NRXN1: variants seen among roughly 807,000 people sequenced by gnomAD.
The protein encoded by NRXN1 is neurexin-1.
A neutral mutation model predicts 150.9 loss-of-function variants in NRXN1; 39 were observed. The observed-to-expected ratio is 0.26, with a 90% CI of 0.20 to 0.34. The LOEUF is 0.34. NRXN1 is among the 10% of genes least tolerant of loss of function. The pLI is 1.00. For synonymous variants in NRXN1, 924 were observed against 757.0 expected (o/e 1.22, Z -3.62); for missense variants, 1,815 against 1,949.9 (o/e 0.93, Z 1.30).
intron 17 of NRXN1, among the ~76,000 whole-genome samples, chr2:50,413,211 C>T (rs1249734045): frequency 6.6e-6 from 1 of 152,072 alleles, no homozygotes; most frequent in Non-Finnish European, 1.5e-5. Context: ...AACAAGAATA[C>T]ATAAGGAGAT....
intron 5 of NRXN1, among the ~76,000 whole-genome samples, chr2:50,651,475 A>G (rs1036609497): frequency 7.6e-6 from 1 of 132,162 alleles, no homozygotes; most frequent in Non-Finnish European, 1.6e-5. Flanking sequence ...ATAACGTAAC[A>G]TGACATGACA....
chr2:50,198,547 T>C (rs2061923354), intron 18 of NRXN1, among the ~76,000 whole-genome samples: 1 of 152,174 alleles, frequency 6.6e-6, no homozygotes, highest in Non-Finnish European at 1.5e-5. Context: ...AAAGTAGCTA[T>C]GGTTTCTAAA....
intron 5 of NRXN1, among the ~76,000 whole-genome samples, chr2:50,810,701 G>C (rs1162180425): frequency 6.6e-6 from 1 of 152,142 alleles, no homozygotes; most frequent in Non-Finnish European, 1.5e-5. Context: ...TTTGCATCTT[G>C]TCCAGGCAGG....
intron 18 of NRXN1, 94 bp from the exon 19 acceptor site, chr2:50,091,588 TGGAC>T: frequency 7.6e-7 from 1 of 1,315,328 alleles, no homozygotes; most frequent in Non-Finnish European, 1.1e-6. Context: ...AAATGTGCTT[TGGAC>T]AACAGCTGCT....
rs1413810201 is a variant in NRXN1, at chr2:50,053,523, G to C, written c.3876C>G (p.Pro1292=). 1.9e-6 allele frequency: 3 copies of C among 1,613,950 alleles called. No homozygotes were observed. The highest frequency in any genetic ancestry group is 2.5e-6 in the Non-Finnish European group (3 of 1,179,950). ...IIIGGKEQGQ[P]FQGQLSGLYY... ...ACAGCCCAGAGAGCTGGCCCTGGAAGGGCTGGCCCTGCTCTTTCCCGCCAA... is the reference window on the plus strand; with the variant it reads ...ACAGCCCAGAGAGCTGGCCCTGGAACGGCTGGCCCTGCTCTTTCCCGCCAA... The change falls in exon 21 of 23, where the codon CCC becomes CCG. Residue 1292 remains proline, a synonymous_variant. Coordinates refer to ENST00000401669, the MANE Select transcript of NRXN1 (RefSeq NM_001330078.2).
At chr2:50,021,796 A>T (rs1573456805) in intron 21 of NRXN1, among the ~76,000 whole-genome samples, 1 of 152,292 alleles carries the variant, frequency 6.6e-6, no homozygotes, top group Middle Eastern at 3.4e-3. Context: ...TTTCTTTATG[A>T]CCCTATACAG....
chr2:50,150,220 T>C (rs2058616520), intron 18 of NRXN1, among the ~76,000 whole-genome samples: 6 of 151,766 alleles, frequency 4.0e-5, no homozygotes, highest in Admixed American at 3.3e-4. Context: ...CATTCATTTA[T>C]CAAAGAGACA....
At chr2:50,556,984 C>T (rs1668350503) in intron 8 of NRXN1, among the ~76,000 whole-genome samples, 1 of 152,176 alleles carries the variant, frequency 6.6e-6, no homozygotes, top group Non-Finnish European at 1.5e-5. Flanking sequence ...TGACCCCTTT[C>T]TGGCTTTCTC....
At chr2:50,577,709 AACACACACAC>A (rs145366518) in intron 8 of NRXN1, among the ~76,000 whole-genome samples, 19 of 147,202 alleles carry the variant, frequency 1.3e-4, no homozygotes, top group African/African-American at 3.7e-4. Context: ...ACCTGACTGA[AACACACACAC>A]ACACACACAC....
intron 8 of NRXN1, among the ~76,000 whole-genome samples, chr2:50,561,641 G>A (rs1669097978): frequency 6.6e-6 from 1 of 152,174 alleles, no homozygotes; most frequent in African/African-American, 2.4e-5. Flanking sequence ...CAAACGAAGA[G>A]CAGCCCACTT....
At chr2:50,672,412 A>G (rs1688984484) in intron 5 of NRXN1, among the ~76,000 whole-genome samples, 1 of 152,012 alleles carries the variant, frequency 6.6e-6, no homozygotes, top group South Asian at 2.1e-4. Flanking sequence ...TACAGAGAAA[A>G]CTTGCCTTGG....
chr2:50,691,503 T>C lies in NRXN1; in HGVS notation c.833-67888A>G, dbSNP rs145364461. Among the ~76,000 whole-genome samples the C allele has an allele frequency of 5.0e-3, 762 of 152,346 alleles. 10 individuals are homozygous for C. Among genetic ancestry groups the C allele is most frequent in the African/African-American group, 0.017 (727 of 41,586 alleles). On this transcript the variant is annotated intron_variant, in intron 5 of 22. Coordinates refer to ENST00000401669, the MANE Select transcript of NRXN1 (RefSeq NM_001330078.2). ...GCTTATTTTTTTAGGAAGGATAAAA[T>C]GGTCTTATTTTCATCTGTGGAAACA...
chr2:50,797,220 T>C (rs192643924), intron 5 of NRXN1, among the ~76,000 whole-genome samples: 1 of 152,314 alleles, frequency 6.6e-6, no homozygotes, highest in Admixed American at 6.5e-5. Flanking sequence ...AGATTTATTG[T>C]TATATGGAAG....
intron 18 of NRXN1, among the ~76,000 whole-genome samples, chr2:50,134,394 G>A (rs1023948852): frequency 1.3e-5 from 2 of 151,904 alleles, no homozygotes; most frequent in African/African-American, 2.4e-5. Flanking sequence ...AAGACTGCAC[G>A]TGGTGGATAA....
At chr2:50,604,111 T>C (rs1254885228) in intron 8 of NRXN1, among the ~76,000 whole-genome samples, 1 of 152,214 alleles carries the variant, frequency 6.6e-6, no homozygotes, top group Non-Finnish European at 1.5e-5. Flanking sequence ...TCTGTTTCAG[T>C]ATATTTACAT....
chr2:49,945,764 C>T (rs1455411400), intron 21 of NRXN1, among the ~76,000 whole-genome samples: 3 of 152,178 alleles, frequency 2.0e-5, no homozygotes, highest in Non-Finnish European at 2.9e-5. Context: ...ATATGTGCCA[C>T]ATTTTCTATA....
At chr2:50,946,176 A>C (rs1690354970) in intron 2 of NRXN1, among the ~76,000 whole-genome samples, 1 of 152,048 alleles carries the variant, frequency 6.6e-6, no homozygotes, top group Non-Finnish European at 1.5e-5. Context: ...TAGTCATGAG[A>C]GATGTCCGTC....
intron 21 of NRXN1, among the ~76,000 whole-genome samples, chr2:49,954,133 A>G (rs1385836664): frequency 6.6e-6 from 1 of 152,094 alleles, no homozygotes; most frequent in Non-Finnish European, 1.5e-5. Flanking sequence ...ACCTGAATAC[A>G]TTTTATTTTA....
rs1573318544 is a variant in NRXN1, at chr2:50,508,456, A to G, written c.2375-1839T>C. On this transcript the variant is annotated intron_variant, in intron 12 of 22. Transcript: ENST00000401669. Reference sequence around the variant, plus strand: ...TTCTAAATTCAATAGTGAAGAAAGAAGTGTTTAATAACTCTGCAGCATCTT... The same window carrying G: ...TTCTAAATTCAATAGTGAAGAAAGAGGTGTTTAATAACTCTGCAGCATCTT... Among the ~76,000 whole-genome samples, 4 of 152,302 alleles carry G rather than the reference A, an allele frequency of 2.6e-5. No individual in the cohort carries two copies. The East Asian group carries it at 7.7e-4, about 29-fold the overall frequency.
Sources: gnomAD v4.1 joint callset for allele counts (sites outside exome capture counted in the v4.1 genomes callset) on GRCh38, gnomAD v4.1.1 for gene constraint, MANE v1.5 for transcripts, NCBI Gene and HGNC (gene_info 2026-07-23, HGNC 2026-07-21) for gene names.